Variants in GSDME observed in about 807,000 individuals in gnomAD.
GSDME encodes gasdermin-E.
A neutral mutation model predicts 47.5 loss-of-function variants in GSDME; 44 were observed. The observed-to-expected ratio is 0.93, with a 90% CI of 0.73 to 1.19. GSDME has a LOEUF of 1.19. Ranked by LOEUF, GSDME falls within the 50% of genes most tolerant of loss-of-function variation. The pLI, the probability that GSDME is intolerant of heterozygous loss-of-function variation, is 0.00. For missense variants in GSDME, 663 were observed against 604.2 expected (o/e 1.10, Z -1.02); for synonymous variants, 258 against 252.8 (o/e 1.02, Z -0.20).
chr7:24,704,921 C>G (rs545520875), intron 8 of GSDME: 1 of 152,538 alleles, frequency 6.6e-6, no homozygotes, highest in East Asian at 1.9e-4. Context: ...CTCCTGGGCT[C>G]AAGTGATCCT....
intron 7 of GSDME, among the ~76,000 whole-genome samples, chr7:24,706,758 A>T (rs560438213): frequency 1.1e-4 from 17 of 152,302 alleles, no homozygotes; most frequent in African/African-American, 3.6e-4. Context: ...CCCCGGCCAC[A>T]TTCCCACCGG....
At chr7:24,700,339 T>C (rs967692862) in intron 9 of GSDME, among the ~76,000 whole-genome samples, 1 of 152,164 alleles carries the variant, frequency 6.6e-6, no homozygotes, top group African/African-American at 2.4e-5. Context: ...AGGGTCTTGA[T>C]CTGTACCCGT....
the GSDME span, among the ~76,000 whole-genome samples, chr7:24,790,618 T>A: frequency 6.6e-6 from 1 of 152,022 alleles, no homozygotes; most frequent in Non-Finnish European, 1.5e-5. The surrounding 1 kb of genome is among the most constrained non-coding windows in gnomAD (Gnocchi z 4.1). Flanking sequence ...GTCCACACGG[T>A]TTGCAACTTT....
chr7:24,727,070 G>C (rs1789993215), intron 3 of GSDME, among the ~76,000 whole-genome samples: 1 of 152,236 alleles, frequency 6.6e-6, no homozygotes, highest in South Asian at 2.1e-4. Flanking sequence ...CTAAGGCTGA[G>C]TGTGGGCTGG....
rs145377813 is a variant in GSDME, at chr7:24,753,648, CTT to C, written c.-20+3746_-20+3747del. ...ATCTTAGCAACAGTGTATCATTAGA[CTT>C]TTGGATTTTTGCAAGTCTGATAGGT... On this transcript the variant is annotated intron_variant, in intron 1 of 9. Coordinates refer to ENST00000645220, the MANE Select transcript of GSDME (RefSeq NM_001127453.2). Among the ~76,000 whole-genome samples the C allele has an allele frequency of 4.8e-3, 738 of 152,304 alleles. 5 individuals carry two copies. The highest frequency in any genetic ancestry group is 8.8e-3 in the Non-Finnish European group (598 of 68,026).
chr7:24,725,385 T>A lies in GSDME; in HGVS notation c.405-6167A>T, dbSNP rs2074068678. On this transcript the variant is annotated intron_variant, in intron 3 of 9. Transcript: ENST00000645220. The surrounding 1 kb of genome is among the most constrained non-coding windows in gnomAD (Gnocchi z 5.1). ...GGGTGGTCAAAGAAATGGCCAGAAT[T>A]TTCAGGATGCTTTATAAGGGAGCCC... Among the ~76,000 whole-genome samples the A allele has an allele frequency of 6.6e-6, 1 of 152,090 alleles. No individual in the cohort carries two copies. Among genetic ancestry groups the A allele is most frequent in the Admixed American group, 6.5e-5 (1 of 15,270 alleles).
chr7:24,738,751 A>G (rs1305964168), intron 3 of GSDME, among the ~76,000 whole-genome samples: 1 of 152,248 alleles, frequency 6.6e-6, no homozygotes, highest in Non-Finnish European at 1.5e-5. Flanking sequence ...AGCTATAGTC[A>G]TTAAAACAGT....
Position 24,708,187 on chromosome 7 carries a change from CAA to C in GSDME, c.928_929del (p.Leu310GlufsTer2). 1.2e-6 allele frequency: 2 copies of C among 1,614,160 alleles called. No individual in the cohort carries two copies. The highest frequency in any genetic ancestry group is 2.2e-5 in the South Asian group (2 of 91,068). On this transcript the variant is annotated frameshift_variant, in exon 7 of 10. Coordinates refer to ENST00000645220, the MANE Select transcript of GSDME (RefSeq NM_001127453.2). LOFTEE classifies it high-confidence loss of function. Reference protein sequence around the residue: ...AELPEPQQTALSDIFQAVLFD... With the variant: ...AELPEPQQTAXSDIFQAVLFD... ...ATAGGACCGCCTGGAAGATGTCACT[CAA>C]AGCTGTCTGTTGTGGCTCAGGCAGC...
At chr7:24,783,397 C>T in the GSDME span, among the ~76,000 whole-genome samples, 1 of 152,190 alleles carries the variant, frequency 6.6e-6, no homozygotes, top group East Asian at 1.9e-4. Flanking sequence ...AGTGAATGCT[C>T]CAGAAATGGC....
In GSDME at chr7:24,754,901, T is replaced by C. The variant is rs1790967990; in HGVS notation, c.-20+2495A>G. Among the ~76,000 whole-genome samples, 1 of 152,222 alleles carries C rather than the reference T, an allele frequency of 6.6e-6. No individual in the cohort carries two copies. The highest frequency in any genetic ancestry group is 1.5e-5 in the Non-Finnish European group (1 of 68,038). On this transcript the variant is annotated intron_variant, in intron 1 of 9. Transcript: ENST00000645220. This position sits in a 1 kb window ranked among gnomAD's most constrained non-coding sequence, Gnocchi z 5.0. ...CCCTGGGCCTCTGCCTGAAGAGTTC[T>C]AGAAAAGAAACTTCAACATCAAATA...
chr7:24,709,404 A>G (rs1464528976), intron 6 of GSDME, among the ~76,000 whole-genome samples: 1 of 149,708 alleles, frequency 6.7e-6, no homozygotes, highest in Non-Finnish European at 1.5e-5. Context: ...GGAAGCCAAG[A>G]TAGGAAAGCC....
intron 5 of GSDME, among the ~76,000 whole-genome samples, chr7:24,713,395 G>A (rs1789431787): frequency 6.6e-6 from 1 of 152,160 alleles, no homozygotes; most frequent in Non-Finnish European, 1.5e-5. Context: ...AGGTCACAGT[G>A]ACCTTCCTGC....
Position 24,715,222 on chromosome 7 carries a change from T to C in GSDME, c.697+2032A>G, listed in dbSNP as rs112044452. Among the ~76,000 whole-genome samples the C allele has an allele frequency of 7.2e-4, 110 of 152,248 alleles. 1 individual carries two copies. The highest frequency in any genetic ancestry group is 2.4e-3 in the African/African-American group (100 of 41,548). ...AGGTGCTGGGAGAAATGGGGAGATG[T>C]TGTCAAAGCATGCAAACCTCCAGTT... On this transcript the variant is annotated intron_variant, in intron 5 of 9. Coordinates refer to ENST00000645220, the MANE Select transcript of GSDME (RefSeq NM_001127453.2).
chr7:24,770,174 G>A, the GSDME span, among the ~76,000 whole-genome samples: 6 of 152,192 alleles, frequency 3.9e-5, no homozygotes, highest in Non-Finnish European at 7.3e-5. This position sits in a 1 kb window ranked among gnomAD's most constrained non-coding sequence, Gnocchi z 4.6. Context: ...AATGGCTGAC[G>A]ATTTAATCAA....
chr7:24,733,373 G>A lies in GSDME; in HGVS notation c.404+11189C>T, dbSNP rs1472612572. 6.6e-6 allele frequency among the ~76,000 whole-genome samples: 1 copy of A among 152,122 alleles called. No homozygotes were observed. Among genetic ancestry groups the A allele is most frequent in the East Asian group, 1.9e-4 (1 of 5,170 alleles). On this transcript the variant is annotated intron_variant, in intron 3 of 9. Transcript: ENST00000645220. The surrounding 1 kb of genome is among the most constrained non-coding windows in gnomAD (Gnocchi z 4.3). Reference sequence around the variant, plus strand: ...ACTTTCACAGCTGTGCTGGCTATGAGGAGAGATTCCTTCTGCTTGAGAAAA... The same window carrying A: ...ACTTTCACAGCTGTGCTGGCTATGAAGAGAGATTCCTTCTGCTTGAGAAAA...
the GSDME span, among the ~76,000 whole-genome samples, chr7:24,787,010 A>G: frequency 0.044 from 6,749 of 152,076 alleles, 333 homozygotes; most frequent in East Asian, 0.13. This position sits in a 1 kb window ranked among gnomAD's most constrained non-coding sequence, Gnocchi z 5.0. Flanking sequence ...TGGCACTGGA[A>G]AGAGGTGAGG....
chr7:24,702,070 G>A (rs1788891813), intron 9 of GSDME, among the ~76,000 whole-genome samples: 1 of 152,234 alleles, frequency 6.6e-6, no homozygotes, highest in South Asian at 2.1e-4. Context: ...ATCAGACCGT[G>A]TGTGCTCAGC....
chr7:24,746,050 C>G (rs1035412497), intron 2 of GSDME, among the ~76,000 whole-genome samples: 1 of 152,166 alleles, frequency 6.6e-6, no homozygotes, highest in Non-Finnish European at 1.5e-5. Context: ...TCCATCCACT[C>G]ACTGCCCCAA....
chr7:24,777,911 T>C, the GSDME span, among the ~76,000 whole-genome samples: 1 of 152,016 alleles, frequency 6.6e-6, no homozygotes, highest in South Asian at 2.1e-4. Context: ...TAATTCTTTT[T>C]CCAATTTTTC....
Sources: gnomAD v4.1 joint callset for allele counts (sites outside exome capture counted in the v4.1 genomes callset) on GRCh38, gnomAD v4.1.1 for gene constraint, Gnocchi (gnomAD v3.1) non-coding constraint, MANE v1.5 for transcripts, NCBI Gene and HGNC (gene_info 2026-07-23, HGNC 2026-07-21) for gene names.